The following ZC3H3 variants were observed in gnomAD, a reference collection of about 807,000 sequenced individuals.
ZC3H3 encodes zinc finger CCCH domain-containing protein 3.
Under a neutral mutation model 77.3 loss-of-function variants are expected in ZC3H3, and 36 were observed. The observed-to-expected ratio is 0.47, with a 90% CI of 0.36 to 0.61. The LOEUF (loss-of-function observed/expected upper bound fraction) is 0.61. ZC3H3 is among the 20% of genes least tolerant of loss of function. ZC3H3 has a pLI of 0.00. For missense variants in ZC3H3, 1,331 were observed against 1,312.2 expected (o/e 1.01, Z -0.22); for synonymous variants, 626 against 555.2 (o/e 1.13, Z -1.79).
chr8:143,523,534 T>A (rs1168228613), intron 3 of ZC3H3: 2 of 985,156 alleles, frequency 2.0e-6, no homozygotes, highest in Non-Finnish European at 2.4e-6. Context: ...ACTGCCACCA[T>A]CCCTCAGGCA....
At chr8:143,456,815 CT>C (rs1820135330) in intron 9 of ZC3H3, among the ~76,000 whole-genome samples, 1 of 152,152 alleles carries the variant, frequency 6.6e-6, no homozygotes, top group African/African-American at 2.4e-5. Flanking sequence ...TTGCAGTGAA[CT>C]GTGATTGTGC....
rs112277939 is a variant in ZC3H3 at position 143,530,195 on chromosome 8, C to T, written c.1561+6062G>A. On this transcript the variant is annotated intron_variant, in intron 3 of 11. Coordinates refer to ENST00000262577, the MANE Select transcript of ZC3H3 (RefSeq NM_015117.3). The surrounding 1 kb of genome is among the most constrained non-coding windows in gnomAD (Gnocchi z 4.3). ...ACGAGACCACCACGCAAGCCAGGCCCTTTCTGTCCACCACAGGTGTGCCCA... is the reference window on the plus strand; with the variant it reads ...ACGAGACCACCACGCAAGCCAGGCCTTTTCTGTCCACCACAGGTGTGCCCA... Among the ~76,000 whole-genome samples, 75 of 152,266 alleles carry T rather than the reference C, an allele frequency of 4.9e-4. No individual in the cohort carries two copies. The highest frequency in any genetic ancestry group is 1.7e-3 in the African/African-American group (71 of 41,564).
Position 143,533,965 on chromosome 8 carries a change from C to G in ZC3H3, c.1561+2292G>C, listed in dbSNP as rs1418170674. Among the ~76,000 whole-genome samples, 1 of 152,022 alleles carries G rather than the reference C, an allele frequency of 6.6e-6. No individual in the cohort carries two copies. Among genetic ancestry groups the G allele is most frequent in the Non-Finnish European group, 1.5e-5 (1 of 68,002 alleles). On this transcript the variant is annotated intron_variant, in intron 3 of 11. Coordinates refer to ENST00000262577, the MANE Select transcript of ZC3H3 (RefSeq NM_015117.3). This position sits in a 1 kb window ranked among gnomAD's most constrained non-coding sequence, Gnocchi z 4.0. ...TGCTGGGATTACAGGCATGAGCCAC[C>G]ACGCCCAGCCTCACGTTGGTCTTTA...
chr8:143,529,269 AG>A (rs900743913), intron 3 of ZC3H3, among the ~76,000 whole-genome samples: 17 of 152,236 alleles, frequency 1.1e-4, no homozygotes, highest in Non-Finnish European at 2.4e-4. Context: ...AGAGGGACAG[AG>A]GGGTAGGGGG....
At chr8:143,471,150 A>G (rs1820551498) in intron 5 of ZC3H3, among the ~76,000 whole-genome samples, 1 of 152,212 alleles carries the variant, frequency 6.6e-6, no homozygotes, top group African/African-American at 2.4e-5. Context: ...CGGGGCACGC[A>G]GGCAGCCCCA....
At chr8:143,516,962 T>TC (rs937859223) in intron 3 of ZC3H3, among the ~76,000 whole-genome samples, 11 of 152,182 alleles carry the variant, frequency 7.2e-5, no homozygotes, top group East Asian at 1.9e-4. Context: ...AGCCGCCCTG[T>TC]CCCCCCCGTG....
intron 4 of ZC3H3, among the ~76,000 whole-genome samples, chr8:143,491,602 C>T (rs1350803979): frequency 6.6e-6 from 1 of 152,270 alleles, no homozygotes; most frequent in Non-Finnish European, 1.5e-5. Context: ...TCAGGCCAGC[C>T]CAGCCTGGAG....
intron 4 of ZC3H3, among the ~76,000 whole-genome samples, chr8:143,488,516 G>A (rs1307178649): frequency 6.6e-6 from 1 of 150,846 alleles, no homozygotes; most frequent in Admixed American, 6.6e-5. Flanking sequence ...CCATCACCAC[G>A]AAGCTCAGAC....
intron 3 of ZC3H3, among the ~76,000 whole-genome samples, chr8:143,529,970 G>A (rs1822548441): frequency 6.6e-6 from 1 of 152,214 alleles, no homozygotes; most frequent in Non-Finnish European, 1.5e-5. Flanking sequence ...CAGTGAGCTG[G>A]GGTGAGTGGA....
chr8:143,507,767 GC>G lies in ZC3H3; in HGVS notation c.1693del (p.Ala565ProfsTer12). The G allele has an allele frequency of 1.3e-6, 2 of 1,587,568 alleles. No individual in the cohort carries two copies. The highest frequency in any genetic ancestry group is 1.7e-6 in the Non-Finnish European group (2 of 1,168,110). ...CTACCTGGATAGTGAGAGCCGCCGG[GC>G]CCGCCAGGAGGGCAGAGACAGGGGG... ...PFPLSLPSWR[A>X]RRLSLSRSLV... On this transcript the variant is annotated frameshift_variant, in exon 4 of 12. Transcript: ENST00000262577. LOFTEE classifies it high-confidence loss of function.
chr8:143,471,147 C>A (rs1027727093), intron 5 of ZC3H3, among the ~76,000 whole-genome samples: 1 of 152,226 alleles, frequency 6.6e-6, no homozygotes. Context: ...GACCGGGGCA[C>A]GCAGGCAGCC....
chr8:143,477,542 C>T (rs1463615330), intron 4 of ZC3H3, among the ~76,000 whole-genome samples: 1 of 152,182 alleles, frequency 6.6e-6, no homozygotes, highest in Non-Finnish European at 1.5e-5. Context: ...GCCTGCAGGC[C>T]CAGCAGGTGC....
intron 9 of ZC3H3, among the ~76,000 whole-genome samples, chr8:143,446,792 A>G (rs1819872232): frequency 6.6e-6 from 1 of 152,268 alleles, no homozygotes; most frequent in Non-Finnish European, 1.5e-5. Flanking sequence ...CTGCCTGGCC[A>G]TGCACTGAGG....
intron 2 of ZC3H3, 37 bp from the exon 3 acceptor site, chr8:143,536,490 C>G: frequency 6.9e-7 from 1 of 1,455,104 alleles, no homozygotes; most frequent in Non-Finnish European, 9.1e-7. Context: ...TCAACAAGCC[C>G]TGGGGGTTCT....
At chr8:143,512,210 C>T (rs1486763071) in intron 3 of ZC3H3, among the ~76,000 whole-genome samples, 3 of 152,248 alleles carry the variant, frequency 2.0e-5, no homozygotes, top group South Asian at 4.1e-4. Context: ...CCCAGGGTGA[C>T]GGATGGCTGT....
chr8:143,471,778 G>A (rs1032540733), intron 5 of ZC3H3, among the ~76,000 whole-genome samples: 2 of 152,226 alleles, frequency 1.3e-5, no homozygotes, highest in African/African-American at 4.8e-5. Context: ...CAAGAAGGCT[G>A]CTGCACTTTC....
intron 4 of ZC3H3, among the ~76,000 whole-genome samples, chr8:143,481,933 C>A (rs1047179365): frequency 2.0e-5 from 3 of 152,264 alleles, no homozygotes; most frequent in Admixed American, 6.5e-5. Flanking sequence ...AGCCCCAGGC[C>A]GGCACTGAGC....
chr8:143,453,896 C>T (rs1316478538), intron 9 of ZC3H3, among the ~76,000 whole-genome samples: 1 of 152,054 alleles, frequency 6.6e-6, no homozygotes, highest in African/African-American at 2.4e-5. Context: ...AAAACGACAC[C>T]ACCAGCAGAC....
chr8:143,484,251 T>TC (rs144949962), intron 4 of ZC3H3, among the ~76,000 whole-genome samples: 2,789 of 152,302 alleles, frequency 0.018, 77 homozygotes, highest in African/African-American at 0.063. Context: ...CCGAGGGCCA[T>TC]CCCTGCCCCG....
Sources: gnomAD v4.1 joint callset for allele counts (sites outside exome capture counted in the v4.1 genomes callset) on GRCh38, gnomAD v4.1.1 for gene constraint, Gnocchi (gnomAD v3.1) non-coding constraint, MANE v1.5 for transcripts, NCBI Gene and HGNC (gene_info 2026-07-23, HGNC 2026-07-21) for gene names.